The following PCDHA7 variants were observed in gnomAD, a reference collection of about 807,000 sequenced individuals.
The protein encoded by PCDHA7 is protocadherin alpha-7.
PCDHA7 carries 37 observed loss-of-function variants against 57.2 expected under a neutral mutation model. The observed-to-expected ratio is 0.65, with a 90% CI of 0.50 to 0.85. The LOEUF (loss-of-function observed/expected upper bound fraction) is 0.85, where lower values mean the gene tolerates loss of function less well. PCDHA7 is among the 40% of genes least tolerant of loss of function. PCDHA7 has a pLI of 0.00. For missense variants in PCDHA7, 1,188 were observed against 1,241.8 expected (o/e 0.96, Z 0.65); for synonymous variants, 553 against 558.8 (o/e 0.99, Z 0.15).
chr5:140,961,071 G>T (rs1344860284), intron 1 of PCDHA7, among the ~76,000 whole-genome samples: 1 of 152,208 alleles, frequency 6.6e-6, no homozygotes, highest in Non-Finnish European at 1.5e-5. Flanking sequence ...GATATCTGGA[G>T]TATCAAGTAA....
At chr5:140,883,614 A>G (rs2059700095) in intron 1 of PCDHA7, 1 of 1,613,816 alleles carries the variant, frequency 6.2e-7, no homozygotes, top group South Asian at 1.1e-5. Context: ...GCCGACGTGA[A>G]CGACAACGCG....
intron 1 of PCDHA7, among the ~76,000 whole-genome samples, chr5:140,838,525 T>C (rs1165394742): frequency 6.6e-6 from 1 of 151,996 alleles, no homozygotes; most frequent in Non-Finnish European, 1.5e-5. Flanking sequence ...CATCTTATTT[T>C]CTTTTATGGA....
intron 1 of PCDHA7, among the ~76,000 whole-genome samples, chr5:140,906,323 A>G (rs1487570044): frequency 1.3e-5 from 2 of 152,212 alleles, no homozygotes; most frequent in Non-Finnish European, 2.9e-5. Context: ...AACATGATAC[A>G]ACTATCCTTC....
rs79396364 is a variant in PCDHA7 at position 140,939,917 on chromosome 5, T to C, written c.2356-39032T>C. On this transcript the variant is annotated intron_variant, in intron 1 of 3. Transcript: ENST00000525929. ...TATTCTGCATTCTTTTTTATTCTTT[T>C]TGTTTGCTTATTTTATCAGTTACTG... is the stretch of plus-strand genomic sequence containing the variant. Among the ~76,000 whole-genome samples, 828 of 152,316 alleles carry C rather than the reference T, an allele frequency of 5.4e-3. 3 individuals carry two copies. The highest frequency in any genetic ancestry group is 0.019 in the African/African-American group (797 of 41,560).
intron 1 of PCDHA7, chr5:140,928,165 C>G: frequency 6.2e-7 from 1 of 1,614,200 alleles, no homozygotes; most frequent in Non-Finnish European, 8.5e-7. Context: ...CTCACCCCCA[C>G]TTAGCACCCG....
chr5:140,984,692 C>T (rs1252057323), intron 3 of PCDHA7, among the ~76,000 whole-genome samples: 2 of 152,130 alleles, frequency 1.3e-5, no homozygotes, highest in Non-Finnish European at 2.9e-5. Context: ...ATATGTTCTG[C>T]ACTGCTTGGA....
At chr5:140,850,305 A>T in intron 1 of PCDHA7, 1 of 1,596,974 alleles carries the variant, frequency 6.3e-7, no homozygotes, top group African/African-American at 1.3e-5. Flanking sequence ...CTCGGGCTAC[A>T]ACGCGTGGCT....
At chr5:140,856,856 G>A in intron 1 of PCDHA7, 1 of 1,594,396 alleles carries the variant, frequency 6.3e-7, no homozygotes, top group Non-Finnish European at 8.6e-7. Context: ...TGATTCGGAT[G>A]AAGGAATAAA....
intron 1 of PCDHA7, among the ~76,000 whole-genome samples, chr5:140,975,382 A>G (rs1219046015): frequency 1.3e-5 from 2 of 152,258 alleles, no homozygotes; most frequent in African/African-American, 4.8e-5. Flanking sequence ...AATCATGGGA[A>G]TAAGATCCAT....
intron 3 of PCDHA7, among the ~76,000 whole-genome samples, chr5:141,005,634 G>A (rs782404455): frequency 4.8e-5 from 7 of 146,670 alleles, no homozygotes; most frequent in Middle Eastern, 3.6e-3. Flanking sequence ...CCCGGGAGGC[G>A]GAGCTTGCAG....
chr5:140,967,595 G>A, intron 1 of PCDHA7: 1 of 1,614,168 alleles, frequency 6.2e-7, no homozygotes, highest in Non-Finnish European at 8.5e-7. Context: ...CACATTGGTG[G>A]TGAAGCTGAA....
intron 1 of PCDHA7, among the ~76,000 whole-genome samples, chr5:140,892,460 C>T (rs1428598912): frequency 1.3e-5 from 2 of 152,102 alleles, no homozygotes; most frequent in African/African-American, 2.4e-5. Context: ...TCTTTAAGTA[C>T]GGTTATTCAG....
At chr5:140,890,141 C>T (rs573390664) in intron 1 of PCDHA7, among the ~76,000 whole-genome samples, 6 of 152,182 alleles carry the variant, frequency 3.9e-5, no homozygotes, top group African/African-American at 1.4e-4. Context: ...TGAAATTGGC[C>T]ATGGTAGGAG....
intron 1 of PCDHA7, chr5:140,871,628 T>C: frequency 7.1e-7 from 1 of 1,401,496 alleles, no homozygotes; most frequent in South Asian, 1.5e-5. Flanking sequence ...GATAACAATG[T>C]CTGTTCATAA....
intron 1 of PCDHA7, among the ~76,000 whole-genome samples, chr5:140,938,308 T>C (rs1468853140): frequency 6.6e-6 from 1 of 152,212 alleles, no homozygotes; most frequent in Admixed American, 6.5e-5. Context: ...AAATTCAGTA[T>C]AAAATTGAAT....
chr5:140,912,163 G>T (rs1018826504), intron 1 of PCDHA7, among the ~76,000 whole-genome samples: 4 of 152,092 alleles, frequency 2.6e-5, no homozygotes, highest in African/African-American at 9.7e-5. Context: ...TTTTATTCTG[G>T]CTGTGCTGGC....
At position 140,836,827 on chromosome 5, in the gene PCDHA7, G is replaced by A. The variant is rs1774764727; in HGVS notation, c.2355+89G>A. Reference sequence around the variant, plus strand: ...ATTTTCTTTCATAATTTCTTTTTTAGTTGATAGCTTTATGTATAATTATTA... The same window carrying A: ...ATTTTCTTTCATAATTTCTTTTTTAATTGATAGCTTTATGTATAATTATTA... On this transcript the variant is annotated intron_variant, in intron 1 of 3. Transcript: ENST00000525929. The A allele has an allele frequency of 2.9e-5, 28 of 968,068 alleles. No homozygotes were observed. The South Asian group carries it at 4.7e-4, about 16-fold the overall frequency. 60.0% of individuals were successfully genotyped at this position (968,068 alleles called of 1,614,324 possible).
chr5:140,998,442 T>G lies in PCDHA7; in HGVS notation c.2504-11185T>G, dbSNP rs368931467. On this transcript the variant is annotated intron_variant, in intron 3 of 3. Coordinates refer to ENST00000525929, the MANE Select transcript of PCDHA7 (RefSeq NM_018910.3). ...GGTTTATCCTTTAACACTATTATTGTATTTATTCATTTACTTGTCTTTTCC... is the reference window on the plus strand; with the variant it reads ...GGTTTATCCTTTAACACTATTATTGGATTTATTCATTTACTTGTCTTTTCC... 1.7e-4 allele frequency among the ~76,000 whole-genome samples: 26 copies of G among 152,352 alleles called. No individual in the cohort carries two copies. In the South Asian group the frequency reaches 5.2e-3, roughly 30 times the overall value.
At chr5:140,895,481 A>G (rs1344099308) in intron 1 of PCDHA7, among the ~76,000 whole-genome samples, 1 of 152,168 alleles carries the variant, frequency 6.6e-6, no homozygotes, top group African/African-American at 2.4e-5. Flanking sequence ...CTTCGGAGAA[A>G]TACCTATTCA....
Sources: allele counts gnomAD v4.1 joint callset (sites outside exome capture counted in the v4.1 genomes callset), GRCh38; gene constraint gnomAD v4.1.1; transcripts MANE v1.5; gene names NCBI Gene and HGNC (gene_info 2026-07-23, HGNC 2026-07-21).